The following ZNRF1 variants were observed in gnomAD, a reference collection of about 807,000 sequenced individuals.
The protein encoded by ZNRF1 is E3 ubiquitin-protein ligase ZNRF1.
A neutral mutation model predicts 18.4 loss-of-function variants in ZNRF1; 3 were observed. The ratio of observed to expected loss-of-function variants is 0.16; its 90% CI spans 0.07 to 0.42. ZNRF1 has a LOEUF of 0.42. Ranked by LOEUF, ZNRF1 falls within the 10% of genes least tolerant of loss-of-function variation. The probability of loss-of-function intolerance (pLI) is 0.99; values close to 1 mark genes in which losing one functional copy is unlikely to be tolerated. For missense variants in ZNRF1, 310 were observed against 329.8 expected (o/e 0.94, Z 0.47); for synonymous variants, 157 against 144.2 (o/e 1.09, Z -0.64).
At chr16:75,074,775 AG>A (rs111646579) in intron 1 of ZNRF1, among the ~76,000 whole-genome samples, 1 of 152,110 alleles carries the variant, frequency 6.6e-6, no homozygotes, top group African/African-American at 2.4e-5. Context: ...TCCATAATAA[AG>A]GTTTTTTTAG....
At chr16:75,083,800 T>A (rs1185508032) in intron 1 of ZNRF1, among the ~76,000 whole-genome samples, 1 of 151,860 alleles carries the variant, frequency 6.6e-6, no homozygotes, top group Non-Finnish European at 1.5e-5. Flanking sequence ...ACAGAGAAGT[T>A]ATGGAGAAAG....
intron 1 of ZNRF1, among the ~76,000 whole-genome samples, chr16:75,076,943 G>C (rs2035946947): frequency 6.6e-6 from 1 of 152,022 alleles, no homozygotes; most frequent in African/African-American, 2.4e-5. Flanking sequence ...GCAGCACCTT[G>C]ATCTTGGGCT....
chr16:75,039,217 C>T (rs1174138393), intron 1 of ZNRF1, among the ~76,000 whole-genome samples: 1 of 151,718 alleles, frequency 6.6e-6, no homozygotes, highest in African/African-American at 2.4e-5. Context: ...GAAAAGTGGC[C>T]TAAATGTTTT....
At chr16:75,088,651 C>T (rs1014536648) in intron 1 of ZNRF1, among the ~76,000 whole-genome samples, 2 of 152,244 alleles carry the variant, frequency 1.3e-5, no homozygotes, top group East Asian at 1.9e-4. Context: ...TCCTAGGTGT[C>T]GTGGGCCAGC....
intron 1 of ZNRF1, among the ~76,000 whole-genome samples, chr16:75,037,659 G>T (rs2035393312): frequency 6.6e-6 from 1 of 152,078 alleles, no homozygotes; most frequent in Admixed American, 6.6e-5. Flanking sequence ...TTTGTGGGTA[G>T]ATCTCCCCCA....
At chr16:75,058,774 G>C (rs2035700459) in intron 1 of ZNRF1, among the ~76,000 whole-genome samples, 2 of 152,206 alleles carry the variant, frequency 1.3e-5, no homozygotes, top group Non-Finnish European at 2.9e-5. Context: ...GGACTCAGGA[G>C]AGTTGTTCCA....
intron 1 of ZNRF1, among the ~76,000 whole-genome samples, chr16:75,067,398 A>G (rs939460342): frequency 6.6e-6 from 1 of 152,208 alleles, no homozygotes; most frequent in Non-Finnish European, 1.5e-5. Context: ...TAAGAAGGTC[A>G]TGTGGGATGA....
At chr16:75,106,931 G>T (rs961047434) in intron 4 of ZNRF1, 4 of 234,096 alleles carry the variant, frequency 1.7e-5, no homozygotes, top group Non-Finnish European at 2.6e-5. Flanking sequence ...CCTCATCCTC[G>T]CTCACCTCTG....
At chr16:75,011,398 A>G (rs534121772) in intron 1 of ZNRF1, among the ~76,000 whole-genome samples, 248 of 152,270 alleles carry the variant, frequency 1.6e-3, no homozygotes, top group South Asian at 5.2e-3. Context: ...TTTTTTAACT[A>G]AAAACAAACT....
chr16:75,063,129 CAG>C (rs1255597011), intron 1 of ZNRF1, among the ~76,000 whole-genome samples: 1 of 152,198 alleles, frequency 6.6e-6, no homozygotes, highest in Non-Finnish European at 1.5e-5. Flanking sequence ...AAAATTTTTG[CAG>C]AGTCATGCGA....
At chr16:75,073,571 C>T (rs1008664773) in intron 1 of ZNRF1, among the ~76,000 whole-genome samples, 1 of 152,162 alleles carries the variant, frequency 6.6e-6, no homozygotes, top group Non-Finnish European at 1.5e-5. Context: ...TAGTTGTGTG[C>T]ATGTGTTTTT....
rs556687435 is a variant in ZNRF1 at position 75,018,846 on chromosome 16, G to A, written c.424+18751G>A. On this transcript the variant is annotated intron_variant, in intron 1 of 4. Coordinates refer to ENST00000335325, the MANE Select transcript of ZNRF1 (RefSeq NM_032268.5). ...GTCATAAAATTTCACTCATAATTTT[G>A]TTATACTGTCTTTTTCTTCTCTTAC... Among the ~76,000 whole-genome samples, 38 of 151,978 alleles carry A rather than the reference G, an allele frequency of 2.5e-4. No homozygotes were observed. The South Asian group carries it at 5.2e-3, about 21-fold the overall frequency.
chr16:75,021,619 A>G (rs1459676865), intron 1 of ZNRF1, among the ~76,000 whole-genome samples: 2 of 152,156 alleles, frequency 1.3e-5, no homozygotes, highest in African/African-American at 4.8e-5. Context: ...CTGGGTTGGC[A>G]GTTACTGTTT....
At chr16:75,032,469 T>C (rs1336330753) in intron 1 of ZNRF1, among the ~76,000 whole-genome samples, 2 of 152,062 alleles carry the variant, frequency 1.3e-5, no homozygotes, top group Non-Finnish European at 2.9e-5. Flanking sequence ...TGCAAGTCCT[T>C]TGTCAATTGA....
intron 1 of ZNRF1, among the ~76,000 whole-genome samples, chr16:75,083,968 G>A (rs559415875): frequency 1.3e-5 from 2 of 152,300 alleles, no homozygotes; most frequent in South Asian, 2.1e-4. Flanking sequence ...GGCTCAGCTC[G>A]GCACATTGAT....
intron 1 of ZNRF1, among the ~76,000 whole-genome samples, chr16:75,025,554 A>G (rs1211854197): frequency 6.6e-6 from 1 of 152,126 alleles, no homozygotes; most frequent in Non-Finnish European, 1.5e-5. Flanking sequence ...AGTTGTTATA[A>G]GACTACCACA....
At position 75,106,732 on chromosome 16, in the gene ZNRF1, A is replaced by G. The variant is rs1417058429; in HGVS notation, c.*32+161A>G. 5.0e-6 allele frequency: 3 copies of G among 599,220 alleles called. No homozygotes were observed. In the East Asian group the frequency reaches 8.6e-5, roughly 17 times the overall value. 37.1% of individuals were successfully genotyped at this position (599,220 alleles called of 1,614,324 possible). A position where few individuals can be genotyped will look rare whatever the true frequency, so the allele number is the denominator to read the frequency against. On this transcript the variant is annotated intron_variant, in intron 4 of 4. Transcript: ENST00000335325. ...GTGAGCAGTTAGTCATCCGGAAATGATTTTCCCTGGGAAGGACAAGAGATA... is the reference window on the plus strand; with the variant it reads ...GTGAGCAGTTAGTCATCCGGAAATGGTTTTCCCTGGGAAGGACAAGAGATA...
intron 1 of ZNRF1, among the ~76,000 whole-genome samples, chr16:75,043,790 C>CTTTTTTTTTTTTTTTTT (rs59324869): frequency 1.2e-4 from 9 of 75,172 alleles, no homozygotes; most frequent in African/African-American, 1.8e-4. Context: ...TTGCTTTGTA[C>CTTTTTTTTTTTTTTTTT]TTTTTTTTTT....
intron 1 of ZNRF1, among the ~76,000 whole-genome samples, chr16:75,082,121 A>G (rs943558052): frequency 2.6e-5 from 4 of 152,014 alleles, no homozygotes; most frequent in African/African-American, 9.7e-5. Context: ...ACTTAAAGCA[A>G]TCCTCCTGCC....
Sources: gnomAD v4.1 joint callset for allele counts (sites outside exome capture counted in the v4.1 genomes callset) on GRCh38, gnomAD v4.1.1 for gene constraint, MANE v1.5 for transcripts, NCBI Gene and HGNC (gene_info 2026-07-23, HGNC 2026-07-21) for gene names.